Variants in PYROXD2 observed in about 807,000 individuals in gnomAD.
The protein encoded by PYROXD2 is pyridine nucleotide-disulfide oxidoreductase domain-containing protein 2.
PYROXD2 carries 69 observed loss-of-function variants against 71.1 expected under a neutral mutation model. The observed-to-expected ratio is 0.97, with a 90% CI of 0.80 to 1.19. The LOEUF is 1.19. Among genes scored for constraint, PYROXD2 ranks in the 50% most tolerant of loss-of-function variants. The probability of loss-of-function intolerance (pLI) is 0.00; values close to 1 mark genes in which losing one functional copy is unlikely to be tolerated. For missense variants in PYROXD2, 745 were observed against 748.9 expected (o/e 0.99, Z 0.06); for synonymous variants, 287 against 302.7 (o/e 0.95, Z 0.54).
At chr10:98,392,630 G>C (rs1424236852) in intron 9 of PYROXD2, 64 bp from the exon 10 acceptor site, 21 of 1,590,580 alleles carry the variant, frequency 1.3e-5, no homozygotes, top group Non-Finnish European at 1.8e-5. Flanking sequence ...AGATCTTCCG[G>C]GATTTCCATG....
intron 2 of PYROXD2, among the ~76,000 whole-genome samples, chr10:98,410,364 C>G (rs1843744182): frequency 6.6e-6 from 1 of 152,212 alleles, no homozygotes. Flanking sequence ...CTAAGGATAG[C>G]TCTGGGATAT....
Position 98,407,937 on chromosome 10 carries a change from C to T in PYROXD2, c.208G>A (p.Gly70Arg), listed in dbSNP as rs376191485. The change falls in exon 3 of 16, where the codon GGG (glycine) becomes AGG (arginine). Residue 70 changes from glycine (G) to arginine (R), a missense_variant. Coordinates refer to ENST00000370575, the MANE Select transcript of PYROXD2 (RefSeq NM_032709.3). ...TAVFERRHVIGGAAVTEEIIP... is the reference protein window; with the variant it reads ...TAVFERRHVIRGAAVTEEIIP... ...ATCTCCTCAGTGACAGCTGCACCCC[C>T]GATCACATGGCGCCTCTCGAAGACG... The T allele has an allele frequency of 1.1e-5, 18 of 1,610,990 alleles. No homozygotes were observed. The highest frequency in any genetic ancestry group is 1.4e-5 in the Non-Finnish European group (16 of 1,178,996).
intron 6 of PYROXD2, 74 bp downstream of exon 6, chr10:98,397,271 T>A: frequency 6.7e-7 from 1 of 1,484,120 alleles, no homozygotes; most frequent in South Asian, 1.4e-5. Context: ...CAGGCTTGTG[T>A]CTAGGCATCG....
intron 8 of PYROXD2, among the ~76,000 whole-genome samples, 155 bp downstream of exon 8, chr10:98,395,041 A>G (rs1843110758): frequency 6.6e-6 from 1 of 152,086 alleles, no homozygotes; most frequent in Non-Finnish European, 1.5e-5. Flanking sequence ...TCTGAGGGTT[A>G]AGTGGATCGT....
At chr10:98,400,913 T>C (rs774411767) in intron 4 of PYROXD2, among the ~76,000 whole-genome samples, 5 of 152,198 alleles carry the variant, frequency 3.3e-5, no homozygotes, top group Non-Finnish European at 5.9e-5. Context: ...AGAATGTTAC[T>C]GCACTGAATA....
At chr10:98,385,502 A>G (rs1243371390) in intron 14 of PYROXD2, among the ~76,000 whole-genome samples, 8 of 152,234 alleles carry the variant, frequency 5.3e-5, no homozygotes, top group Admixed American at 5.2e-4. Flanking sequence ...GACAAGGGGC[A>G]ACGGAGCCCG....
chr10:98,392,064 T>C (rs1025752144), intron 10 of PYROXD2, among the ~76,000 whole-genome samples: 1 of 152,118 alleles, frequency 6.6e-6, no homozygotes, highest in Non-Finnish European at 1.5e-5. Flanking sequence ...TGTTAATTGA[T>C]TAATTAATAA....
rs771546409 is a variant in PYROXD2 at position 98,407,998 on chromosome 10, C to T, written c.148-1G>A. 6.2e-7 allele frequency: 1 copy of T among 1,600,310 alleles called. No homozygotes were observed. On this transcript the variant is annotated splice_acceptor_variant, in intron 2 of 15. Coordinates refer to ENST00000370575, the MANE Select transcript of PYROXD2 (RefSeq NM_032709.3). LOFTEE classifies it high-confidence loss of function. ...CCCCCAGTCTCTGCAGGTACGCTGC[C>T]TGGGAAGTGGGGCAGCACACAGGGC... is the stretch of plus-strand genomic sequence containing the variant.
In PYROXD2 at chr10:98,387,180, AC is replaced by A; in HGVS notation, c.1554+20del. On this transcript the variant is annotated intron_variant, in intron 14 of 15. Coordinates refer to ENST00000370575, the MANE Select transcript of PYROXD2 (RefSeq NM_032709.3). ...TGCAGAGGGAAGGCTATGGTGAGAG[AC>A]CCCCTAGGCTTATACATACCCCTCC... 1 of 1,571,262 alleles carries A rather than the reference AC, an allele frequency of 6.4e-7. No homozygotes were observed. The highest frequency in any genetic ancestry group is 8.7e-7 in the Non-Finnish European group (1 of 1,143,286).
chr10:98,390,818 C>G, intron 11 of PYROXD2, 64 bp from the exon 12 acceptor site: 2 of 1,527,854 alleles, frequency 1.3e-6, no homozygotes, highest in Non-Finnish European at 1.8e-6. Flanking sequence ...CAGCCAGCAC[C>G]CTGCTACCCT....
At chr10:98,405,508 T>TCTGTG (rs1412121979) in intron 4 of PYROXD2, among the ~76,000 whole-genome samples, 1 of 152,228 alleles carries the variant, frequency 6.6e-6, no homozygotes, top group East Asian at 1.9e-4. Flanking sequence ...TACTGAGCCC[T>TCTGTG]CTGTGCACCA....
chr10:98,385,150 C>G (rs1842711365), intron 14 of PYROXD2, 83 bp from the exon 15 acceptor site: 1 of 1,536,532 alleles, frequency 6.5e-7, no homozygotes, highest in East Asian at 2.3e-5. Flanking sequence ...CTCCCCTGTT[C>G]TTCAGCAAAT....
chr10:98,399,209 G>A (rs1843304827), intron 5 of PYROXD2, among the ~76,000 whole-genome samples: 1 of 152,172 alleles, frequency 6.6e-6, no homozygotes, highest in Admixed American at 6.5e-5. Context: ...CATCAGCCAG[G>A]TTTGAAAACT....
At chr10:98,385,905 C>A (rs184788111) in intron 14 of PYROXD2, among the ~76,000 whole-genome samples, 1 of 152,182 alleles carries the variant, frequency 6.6e-6, no homozygotes. Context: ...TTCCTCTATA[C>A]CTGGACCAGT....
At position 98,415,029 on chromosome 10, in the gene PYROXD2, T is replaced by A; in HGVS notation, c.107A>T (p.Asp36Val). The change falls in exon 1 of 16, where the codon GAT becomes GTT. Residue 36 changes from aspartate (D) to valine (V), a missense_variant. Transcript: ENST00000370575. Reference protein sequence around the residue: ...EARGGLKPEYDAVVIGAGHNG... With the variant: ...EARGGLKPEYVAVVIGAGHNG... Reference sequence around the variant, plus strand: ...TTTACCTGCTCCTATCACCACCGCATCATACTCAGGCTTCAGACCTCCCCT... The same window carrying A: ...TTTACCTGCTCCTATCACCACCGCAACATACTCAGGCTTCAGACCTCCCCT... 1 of 1,613,466 alleles carries A rather than the reference T, an allele frequency of 6.2e-7. No homozygotes were observed. The highest frequency in any genetic ancestry group is 8.5e-7 in the Non-Finnish European group (1 of 1,179,696).
intron 14 of PYROXD2, among the ~76,000 whole-genome samples, chr10:98,386,046 G>C (rs1180960417): frequency 6.6e-6 from 1 of 152,108 alleles, no homozygotes; most frequent in Admixed American, 6.6e-5. Context: ...GGAGGCCAAG[G>C]TGGGAGGATC....
At chr10:98,388,216 A>C in intron 13 of PYROXD2, 138 bp downstream of exon 13, 2 of 811,092 alleles carry the variant, frequency 2.5e-6, no homozygotes, top group South Asian at 3.3e-5. Flanking sequence ...TGTTGACTTG[A>C]GGTTCCCTTG....
At position 98,383,885 on chromosome 10, in the gene PYROXD2, T is replaced by C; in HGVS notation, c.1676-17A>G. On this transcript the variant is annotated splice_polypyrimidine_tract_variant and intron_variant, in intron 15 of 15. Transcript: ENST00000370575. ...CACCTCCTCCTGGAAGGGAATCTCC[T>C]ATGAACCAAAGCTCCGCTCAAAAAC... The C allele has an allele frequency of 2.5e-6, 4 of 1,611,916 alleles. No homozygotes were observed. Among genetic ancestry groups the C allele is most frequent in the Non-Finnish European group, 3.4e-6 (4 of 1,178,310 alleles).
Position 98,397,421 on chromosome 10 carries a change from G to C in PYROXD2, c.549C>G (p.Asp183Glu). 6.2e-7 allele frequency: 1 copy of C among 1,613,582 alleles called. No individual in the cohort carries two copies. Among genetic ancestry groups the C allele is most frequent in the Non-Finnish European group, 8.5e-7 (1 of 1,179,674 alleles). ...AGGAGCCATGCTGGAAGGCCGCCAT[G>C]TCCACGGGGGCCGCATCCAGCAGAG... is the stretch of plus-strand genomic sequence containing the variant. ...IDPLLDAAPV[D>E]MAAFQHGSLL... The change falls in exon 6 of 16, where the codon GAC becomes GAG. Residue 183 changes from aspartate to glutamate, a missense_variant. Physicochemically the swap from Asp to Glu is conservative, Grantham distance 45 (BLOSUM62 2). Coordinates refer to ENST00000370575, the MANE Select transcript of PYROXD2 (RefSeq NM_032709.3).
Sources: gnomAD v4.1 joint callset for allele counts (sites outside exome capture counted in the v4.1 genomes callset) on GRCh38, gnomAD v4.1.1 for gene constraint, MANE v1.5 for transcripts, NCBI Gene and HGNC (gene_info 2026-07-23, HGNC 2026-07-21) for gene names.